Variants in RAB44 observed in about 807,000 individuals in gnomAD.
RAB44 encodes RAB44, member RAS oncogene family.
A neutral mutation model predicts 93.3 loss-of-function variants in RAB44; 67 were observed. The observed-to-expected ratio is 0.72, with a 90% CI of 0.59 to 0.88. The LOEUF is 0.88. RAB44 is among the 40% of genes least tolerant of loss of function. RAB44 has a pLI of 0.00. For synonymous variants in RAB44, 427 were observed against 520.3 expected (o/e 0.82, Z 2.44); for missense variants, 1,064 against 1,261.7 (o/e 0.84, Z 2.37).
intron 2 of RAB44, among the ~76,000 whole-genome samples, chr6:36,706,959 G>T (rs947073308): frequency 1.1e-4 from 16 of 151,878 alleles, no homozygotes; most frequent in Admixed American, 7.9e-4. Flanking sequence ...TAAAATTATT[G>T]GTTTCTGAAT....
At position 36,717,062 on chromosome 6, in the gene RAB44, G is replaced by A. The variant is rs1349303563; in HGVS notation, c.495-211G>A. Among the ~76,000 whole-genome samples, 1 of 152,186 alleles carries A rather than the reference G, an allele frequency of 6.6e-6. No individual in the cohort carries two copies. The highest frequency in any genetic ancestry group is 1.5e-5 in the Non-Finnish European group (1 of 68,042). ...CGGAATCATAGAGAGACACAGTGTG[G>A]CGGGGGTTCGAGAAGGGAGAGGGCA... is the stretch of plus-strand genomic sequence containing the variant. On this transcript the variant is annotated intron_variant, in intron 4 of 13. Coordinates refer to ENST00000612677, the MANE Select transcript of RAB44 (RefSeq NM_001257357.2). This position sits in a 1 kb window ranked among gnomAD's most constrained non-coding sequence, Gnocchi z 4.1.
intron 1 of RAB44, among the ~76,000 whole-genome samples, chr6:36,698,446 C>T (rs914178686): frequency 2.0e-5 from 3 of 152,206 alleles, no homozygotes; most frequent in Non-Finnish European, 4.4e-5. Flanking sequence ...CTTCCACTTC[C>T]TGGTGGGCAG....
intron 1 of RAB44, among the ~76,000 whole-genome samples, chr6:36,698,790 C>T (rs1236588137): frequency 6.6e-6 from 1 of 151,866 alleles, no homozygotes; most frequent in Non-Finnish European, 1.5e-5. Flanking sequence ...ATGGAATGGC[C>T]GTGAGGGGTG....
chr6:36,714,004 C>A, intron 3 of RAB44, 65 bp downstream of exon 3: 1 of 1,050,212 alleles, frequency 9.5e-7, no homozygotes, highest in Non-Finnish European at 1.4e-6. Context: ...CTGCATGGGG[C>A]TAGGCTGGGT....
Position 36,722,300 on chromosome 6 carries a change from TGCCACACCACA to T in RAB44, c.2168_2178del (p.Ala723GlyfsTer44), listed in dbSNP as rs940432355. The T allele has an allele frequency of 3.1e-6, 4 of 1,309,850 alleles. No individual in the cohort carries two copies. The African/African-American group carries it at 4.5e-5, about 15-fold the overall frequency. 81.1% of individuals were successfully genotyped at this position (1,309,850 alleles called of 1,614,324 possible). On this transcript the variant is annotated frameshift_variant, in exon 9 of 14. Transcript: ENST00000612677. LOFTEE classifies it high-confidence loss of function. Reference sequence around the variant, plus strand: ...ACTCTCTGCTTGTTTCTCTCCCATCTGCCACACCACAGGCTCAGGTGGAAGCAGAAGGCCCC... The same window carrying T: ...ACTCTCTGCTTGTTTCTCTCCCATCTGGCTCAGGTGGAAGCAGAAGGCCCC...
chr6:36,730,580 A>G, intron 12 of RAB44, 93 bp from the exon 13 acceptor site: 1 of 733,876 alleles, frequency 1.4e-6, no homozygotes, highest in Middle Eastern at 2.6e-4. Flanking sequence ...ATGCATTGGG[A>G]CTCTGATGGC....
chr6:36,708,727 A>G (rs1175639950), intron 2 of RAB44, among the ~76,000 whole-genome samples: 1 of 152,114 alleles, frequency 6.6e-6, no homozygotes, highest in Non-Finnish European at 1.5e-5. Flanking sequence ...AGAGGAAATG[A>G]TTCTGGGGAG....
At chr6:36,708,935 A>ATTTAAT (rs1226937932) in intron 2 of RAB44, among the ~76,000 whole-genome samples, 8 of 151,394 alleles carry the variant, frequency 5.3e-5, no homozygotes, top group African/African-American at 1.7e-4. Context: ...ATTTTTATTT[A>ATTTAAT]TTTATTTTTA....
intron 1 of RAB44, among the ~76,000 whole-genome samples, chr6:36,703,103 A>C (rs543350135): frequency 1.4e-3 from 212 of 152,362 alleles, no homozygotes; most frequent in Non-Finnish European, 2.3e-3. Context: ...TTCAAGATTA[A>C]GGAGGTAGAA....
chr6:36,706,154 G>A (rs1271827506), intron 2 of RAB44, among the ~76,000 whole-genome samples: 1 of 152,076 alleles, frequency 6.6e-6, no homozygotes, highest in Non-Finnish European at 1.5e-5. Flanking sequence ...CCCACCTCAG[G>A]TTTCACACCT....
chr6:36,726,997 C>T (rs1763252930), intron 10 of RAB44, among the ~76,000 whole-genome samples: 1 of 134,592 alleles, frequency 7.4e-6, no homozygotes, highest in South Asian at 2.3e-4. Flanking sequence ...CACAGGGTTT[C>T]ACCATGTTGG....
intron 3 of RAB44, among the ~76,000 whole-genome samples, chr6:36,714,324 G>A (rs536234825): frequency 1.1e-3 from 161 of 152,276 alleles, no homozygotes; most frequent in African/African-American, 3.8e-3. Context: ...ACTGGGCAGG[G>A]CTGCCCCAGC....
intron 2 of RAB44, among the ~76,000 whole-genome samples, chr6:36,712,887 G>GATAAATGT (rs1762822018): frequency 1.3e-5 from 2 of 152,096 alleles, no homozygotes; most frequent in African/African-American, 4.8e-5. Flanking sequence ...AGTCATGTGC[G>GATAAATGT]GCCTCAGATA....
chr6:36,728,940 C>T, intron 12 of RAB44, 139 bp downstream of exon 12: 1 of 709,846 alleles, frequency 1.4e-6, no homozygotes, highest in South Asian at 1.7e-5. Context: ...AACCAAAGGC[C>T]TGTTCAGAGT....
At chr6:36,700,328 G>A (rs772484385) in intron 1 of RAB44, among the ~76,000 whole-genome samples, 14 of 152,222 alleles carry the variant, frequency 9.2e-5, no homozygotes, top group Non-Finnish European at 1.9e-4. Context: ...TGACTTCACA[G>A]CAATGGGACT....
At chr6:36,714,055 C>T (rs6916443) in intron 3 of RAB44, 116 bp downstream of exon 3, 24,226 of 683,084 alleles carry the variant, frequency 0.035, 2,040 homozygotes, top group African/African-American at 0.25. Flanking sequence ...TTTCACCCCC[C>T]ATCCCCGGCT....
In RAB44 at chr6:36,731,961, A is replaced by G. The variant is rs1651462733; in HGVS notation, c.2976-42A>G. Reference sequence around the variant, plus strand: ...CCATGGGCCCATCCGTGCTGCCCGTAGGAGGTGAGAGAGAGGCCTGATGCC... The same window carrying G: ...CCATGGGCCCATCCGTGCTGCCCGTGGGAGGTGAGAGAGAGGCCTGATGCC... On this transcript the variant is annotated intron_variant, in intron 13 of 13. Transcript: ENST00000612677. The surrounding 1 kb of genome is among the most constrained non-coding windows in gnomAD (Gnocchi z 4.0). 1.7e-6 allele frequency: 2 copies of G among 1,204,906 alleles called. No individual in the cohort carries two copies. 74.6% of individuals were successfully genotyped at this position (1,204,906 alleles called of 1,614,324 possible).
intron 1 of RAB44, among the ~76,000 whole-genome samples, chr6:36,703,782 A>G (rs1188475671): frequency 6.6e-6 from 1 of 152,130 alleles, no homozygotes; most frequent in Non-Finnish European, 1.5e-5. Context: ...TTAATGAGCA[A>G]GAAGAGTCAT....
At chr6:36,713,586 C>T (rs888459176) in intron 2 of RAB44, among the ~76,000 whole-genome samples, 4 of 152,104 alleles carry the variant, frequency 2.6e-5, no homozygotes, top group East Asian at 1.9e-4. Context: ...ACTTAGGACA[C>T]GTACGTTTTG....
Sources: allele counts gnomAD v4.1 joint callset (sites outside exome capture counted in the v4.1 genomes callset), GRCh38; gene constraint gnomAD v4.1.1; non-coding constraint Gnocchi (gnomAD v3.1); transcripts MANE v1.5; gene names NCBI Gene and HGNC (gene_info 2026-07-23, HGNC 2026-07-21).